Variants in ANXA8 observed in about 807,000 individuals in gnomAD.
ANXA8 encodes annexin A8.
A neutral mutation model predicts 26.8 loss-of-function variants in ANXA8; 9 were observed. That is an observed-to-expected ratio of 0.34 (90% CI 0.20 to 0.59). ANXA8 has a LOEUF of 0.59. Ranked by LOEUF, ANXA8 falls within the 20% of genes least tolerant of loss-of-function variation. ANXA8 has a pLI of 0.84. For missense variants in ANXA8, 83 were observed against 238.5 expected (o/e 0.35, Z 4.29); for synonymous variants, 39 against 94.8 (o/e 0.41, Z 3.42).
At chr10:47,703,474 G>A in the ANXA8 span, among the ~76,000 whole-genome samples, 1 of 150,732 alleles carries the variant, frequency 6.6e-6, no homozygotes, top group Admixed American at 6.6e-5. Context: ...AGGCTGAGGT[G>A]GGAGGATTGA....
the ANXA8 span, among the ~76,000 whole-genome samples, chr10:47,764,120 A>G: frequency 2.0e-5 from 3 of 151,366 alleles, no homozygotes; most frequent in Non-Finnish European, 4.4e-5. Flanking sequence ...CACTTCACCC[A>G]GTAACTGTCC....
the ANXA8 span, among the ~76,000 whole-genome samples, chr10:47,590,508 A>G: frequency 1.4e-5 from 2 of 146,560 alleles, no homozygotes; most frequent in Non-Finnish European, 2.9e-5. Context: ...TAATCTCCTT[A>G]GGAGCACAGG....
upstream of ANXA8, among the ~76,000 whole-genome samples, chr10:47,484,939 C>A (rs1173652380): frequency 1.3e-5 from 2 of 148,732 alleles, no homozygotes; most frequent in Non-Finnish European, 3.0e-5. Flanking sequence ...CGGGAGCCAG[C>A]CCATTTCACC....
the ANXA8 span, among the ~76,000 whole-genome samples, chr10:47,649,414 T>A: frequency 3.5e-5 from 5 of 144,080 alleles, no homozygotes; most frequent in East Asian, 1.9e-4. Flanking sequence ...TAAAATTAAA[T>A]TTTTTTTTTT....
the ANXA8 span, among the ~76,000 whole-genome samples, chr10:47,660,190 A>C: frequency 6.8e-5 from 10 of 147,036 alleles, no homozygotes; most frequent in Admixed American, 4.1e-4. Flanking sequence ...GTATATTCCC[A>C]AAATAAATGT....
chr10:47,496,080 A>G, the ANXA8 span: 11 of 151,940 alleles, frequency 7.2e-5, no homozygotes, highest in East Asian at 5.8e-4. Context: ...GAAGCCGAGT[A>G]GGTTCTGAGA....
the ANXA8 span, chr10:47,696,349 A>T: frequency 9.3e-6 from 7 of 749,358 alleles, no homozygotes; most frequent in Middle Eastern, 4.5e-4. Context: ...TAGTAGGTTA[A>T]CCACATTGTG....
chr10:47,600,269 G>A, the ANXA8 span, among the ~76,000 whole-genome samples: 4 of 150,180 alleles, frequency 2.7e-5, no homozygotes, highest in African/African-American at 5.0e-5. Flanking sequence ...ATCCTATTGC[G>A]GTTCAGAGAA....
At chr10:47,618,800 T>C in the ANXA8 span, among the ~76,000 whole-genome samples, 8 of 111,412 alleles carry the variant, frequency 7.2e-5, 1 homozygote, top group East Asian at 2.2e-4. Flanking sequence ...TAAAACAAAA[T>C]AGAAAATGAT....
At chr10:47,743,283 C>CACATTATATATACATAT in the ANXA8 span, among the ~76,000 whole-genome samples, 1 of 81,988 alleles carries the variant, frequency 1.2e-5, no homozygotes, top group Non-Finnish European at 2.5e-5. Context: ...TATATACACA[C>CACATTATATATACATAT]ATATATATAT....
chr10:47,502,352 G>A, the ANXA8 span: 108 of 1,607,436 alleles, frequency 6.7e-5, 2 homozygotes, highest in Middle Eastern at 8.7e-4. Context: ...GTGGTGGCCC[G>A]CAGCAGCTGC....
the ANXA8 span, among the ~76,000 whole-genome samples, chr10:47,648,485 T>C: frequency 6.7e-6 from 1 of 149,380 alleles, no homozygotes; most frequent in South Asian, 2.1e-4. Flanking sequence ...AAGTTCTACC[T>C]CTCTTTCACT....
chr10:47,724,900 T>G, the ANXA8 span, among the ~76,000 whole-genome samples: 4 of 137,836 alleles, frequency 2.9e-5, 1 homozygote, highest in Non-Finnish European at 4.7e-5. Flanking sequence ...TAGATTTGTC[T>G]GTTCTAGATA....
chr10:47,688,202 T>C, the ANXA8 span, among the ~76,000 whole-genome samples: 1 of 148,514 alleles, frequency 6.7e-6, no homozygotes, highest in Non-Finnish European at 1.5e-5. Context: ...CAAGTAATCC[T>C]CCCACCTCAG....
the ANXA8 span, among the ~76,000 whole-genome samples, chr10:47,655,457 G>A: frequency 6.6e-6 from 1 of 151,908 alleles, no homozygotes; most frequent in Non-Finnish European, 1.5e-5. Context: ...GTGTGACAGA[G>A]AGGGTAAGGA....
chr10:47,509,733 G>GAGGT, the ANXA8 span, among the ~76,000 whole-genome samples: 2 of 141,696 alleles, frequency 1.4e-5, 1 homozygote, highest in Non-Finnish European at 3.1e-5. Context: ...TGTGGCCCAC[G>GAGGT]AGGTGCTCAT....
chr10:47,918,383 G>GAGAGAA, the ANXA8 span, among the ~76,000 whole-genome samples: 8 of 10,500 alleles, frequency 7.6e-4, 1 homozygote, highest in East Asian at 5.3e-3. Context: ...GAGAGAGAGA[G>GAGAGAA]AGAAAGAAAG....
At chr10:47,661,328 T>C in the ANXA8 span, among the ~76,000 whole-genome samples, 1 of 73,782 alleles carries the variant, frequency 1.4e-5, no homozygotes, top group African/African-American at 7.6e-5. Context: ...AGCTCAAGGA[T>C]TGACACTATA....
the ANXA8 span, among the ~76,000 whole-genome samples, chr10:47,969,600 G>A: frequency 1.4e-5 from 2 of 146,166 alleles, no homozygotes; most frequent in African/African-American, 5.0e-5. Flanking sequence ...GTCACAGCAG[G>A]TGTGGCTTCA....
Sources: gnomAD v4.1 joint callset for allele counts (sites outside exome capture counted in the v4.1 genomes callset) on GRCh38, gnomAD v4.1.1 for gene constraint, MANE v1.5 for transcripts, NCBI Gene and HGNC (gene_info 2026-07-23, HGNC 2026-07-21) for gene names.